The following INVS variants were observed in gnomAD, a reference collection of about 807,000 sequenced individuals.
INVS encodes inversion of embryo turning homolog.
In INVS, 86 loss-of-function variants were observed where a neutral mutation model predicts 108.8. The ratio of observed to expected loss-of-function variants is 0.79; its 90% confidence interval spans 0.66 to 0.95. The LOEUF (loss-of-function observed/expected upper bound fraction) is 0.95. INVS is among the 40% of genes least tolerant of loss of function. INVS has a pLI of 0.00. For synonymous variants in INVS, 455 were observed against 473.5 expected, an observed-to-expected ratio of 0.96 and a Z score of 0.51; for missense variants, 1,169 against 1,297.4, an observed-to-expected ratio of 0.90 and a Z score of 1.52.
At chr9:100,164,577 T>A (rs1387571678) in intron 3 of INVS, among the ~76,000 whole-genome samples, 1 of 152,140 alleles carries the variant, frequency 6.6e-6, no homozygotes, top group East Asian at 1.9e-4. Flanking sequence ...CCTCTTCCCA[T>A]GTTAAAGCAA....
chr9:100,161,403 T>G (rs1043802657), intron 3 of INVS, among the ~76,000 whole-genome samples: 1 of 130,648 alleles, frequency 7.7e-6, no homozygotes, highest in Non-Finnish European at 1.6e-5. Flanking sequence ...CCTCATAAAT[T>G]GAGTGTTGTG....
At chr9:100,249,538 G>A (rs2998172) in intron 8 of INVS, among the ~76,000 whole-genome samples, 152,088 of 152,118 alleles carry the variant, frequency 1, 76,029 homozygotes, top group Middle Eastern at 1. Flanking sequence ...TCTCTTGCCC[G>A]GGCTGGAGTG....
At chr9:100,300,419 A>AT (rs1445895420) in intron 16 of INVS, 149 bp from the exon 17 acceptor site, 1 of 662,634 alleles carries the variant, frequency 1.5e-6, no homozygotes, top group Non-Finnish European at 2.7e-6. Flanking sequence ...TAAAGCTATT[A>AT]TATTAAGTCA....
chr9:100,273,964 A>G (rs915975926), intron 12 of INVS, among the ~76,000 whole-genome samples: 3 of 152,222 alleles, frequency 2.0e-5, no homozygotes, highest in African/African-American at 7.2e-5. Flanking sequence ...CAACTAAAAA[A>G]GCAAAATCCC....
At chr9:100,244,436 G>A (rs1054304743) in intron 7 of INVS, among the ~76,000 whole-genome samples, 11 of 152,096 alleles carry the variant, frequency 7.2e-5, no homozygotes, top group Admixed American at 7.2e-4. Context: ...TAAATGACTT[G>A]CTCATGGTCT....
chr9:100,222,617 C>G (rs1831187010), intron 3 of INVS, among the ~76,000 whole-genome samples: 1 of 152,142 alleles, frequency 6.6e-6, no homozygotes, highest in African/African-American at 2.4e-5. Flanking sequence ...GTCTATAGCT[C>G]AGTAGTTACC....
chr9:100,269,435 T>C (rs779310547), intron 11 of INVS, among the ~76,000 whole-genome samples: 13 of 152,190 alleles, frequency 8.5e-5, no homozygotes, highest in South Asian at 2.1e-4. Flanking sequence ...TTAAAGTTTA[T>C]GTAGATGCCT....
At chr9:100,274,087 G>A (rs1365320224) in intron 12 of INVS, among the ~76,000 whole-genome samples, 1 of 152,044 alleles carries the variant, frequency 6.6e-6, no homozygotes, top group Non-Finnish European at 1.5e-5. Context: ...GCTGGGTGCG[G>A]TGGCTCACAC....
chr9:100,247,080 T>C (rs1832069014), intron 8 of INVS, among the ~76,000 whole-genome samples: 1 of 151,834 alleles, frequency 6.6e-6, no homozygotes, highest in Non-Finnish European at 1.5e-5. Flanking sequence ...CATTTATCTT[T>C]TTGTAAAAAA....
chr9:100,220,255 CT>C (rs1038583803), intron 3 of INVS, among the ~76,000 whole-genome samples: 3 of 152,024 alleles, frequency 2.0e-5, no homozygotes, highest in South Asian at 4.2e-4. Flanking sequence ...GGTCAGAGAA[CT>C]TTTAATTCTC....
At chr9:100,285,541 C>A (rs1310799957) in intron 13 of INVS, among the ~76,000 whole-genome samples, 2 of 152,132 alleles carry the variant, frequency 1.3e-5, no homozygotes, top group Admixed American at 6.5e-5. Flanking sequence ...TAGTTGTACT[C>A]CCAGTTAGGA....
intron 6 of INVS, among the ~76,000 whole-genome samples, chr9:100,241,556 G>T (rs1458699456): frequency 6.6e-6 from 1 of 152,080 alleles, no homozygotes; most frequent in East Asian, 1.9e-4. Flanking sequence ...CATTTTCAGA[G>T]GTATGCTGCT....
chr9:100,266,152 CT>C (rs1457196634), intron 11 of INVS, among the ~76,000 whole-genome samples: 1 of 151,994 alleles, frequency 6.6e-6, no homozygotes, highest in Non-Finnish European at 1.5e-5. Flanking sequence ...TAGGAAGATT[CT>C]TATAATTTGT....
Position 100,273,197 on chromosome 9 carries a change from C to T in INVS, c.1784+121C>T. 3.9e-6 allele frequency: 3 copies of T among 770,286 alleles called. No homozygotes were observed. In the South Asian group the frequency reaches 4.3e-5, roughly 11 times the overall value. The allele number at this position is 770,286 out of a possible 1,614,324, so 47.7% of individuals were successfully genotyped here. ...GATGAGAATCTGAATTACTGTTGGTCCCTGCAACCGGTCATCTTCCCTCTT... is the reference window on the plus strand; with the variant it reads ...GATGAGAATCTGAATTACTGTTGGTTCCTGCAACCGGTCATCTTCCCTCTT... On this transcript the variant is annotated intron_variant, in intron 12 of 16. Coordinates refer to ENST00000262457, the MANE Select transcript of INVS (RefSeq NM_014425.5).
Position 100,234,985 on chromosome 9 carries a change from T to C in INVS, c.616-5075T>C, listed in dbSNP as rs1368661842. Among the ~76,000 whole-genome samples, 4 of 152,186 alleles carry C rather than the reference T, an allele frequency of 2.6e-5. No homozygotes were observed. In the East Asian group the frequency reaches 7.7e-4, roughly 29 times the overall value. ...GGGGTGTTAAAGTATCCCACTATTA[T>C]TGTGTGGGAGTGTAAGTCTCTTTGT... On this transcript the variant is annotated intron_variant, in intron 5 of 16. Coordinates refer to ENST00000262457, the MANE Select transcript of INVS (RefSeq NM_014425.5).
intron 3 of INVS, among the ~76,000 whole-genome samples, chr9:100,190,758 A>G (rs1588076505): frequency 6.6e-6 from 1 of 152,240 alleles, no homozygotes; most frequent in East Asian, 1.9e-4. Context: ...GTTTTCCTTT[A>G]TAGGTTACCT....
chr9:100,252,365 T>A lies in INVS; in HGVS notation c.1161T>A (p.Asp387Glu). Reference protein sequence around the residue: ...LENNAQVDATDVMKHTPLFRA... With the variant: ...LENNAQVDATEVMKHTPLFRA... ...ATAATGCTCAAGTAGATGCTACTGA[T>A]GTTATGAAACATACTCCACTTTTCC... The change falls in exon 9 of 17, where the codon GAT becomes GAA. Residue 387 changes from aspartate to glutamate, a missense_variant. By Grantham distance (45) the Asp-to-Glu change is conservative (BLOSUM62 2). Around this residue, in one of 3 missense-constraint regions of INVS, gnomAD observed 271 missense variants for 363.8 expected, o/e 0.74. Coordinates refer to ENST00000262457, the MANE Select transcript of INVS (RefSeq NM_014425.5). 1 of 1,614,012 alleles carries A rather than the reference T, an allele frequency of 6.2e-7. No homozygotes were observed. The highest frequency in any genetic ancestry group is 2.2e-5 in the East Asian group (1 of 44,876).
chr9:100,238,193 A>G (rs1831752196), intron 5 of INVS, among the ~76,000 whole-genome samples: 1 of 151,814 alleles, frequency 6.6e-6, no homozygotes, highest in African/African-American at 2.4e-5. Context: ...CTCCTTTTTA[A>G]TTGTTAAGAA....
At chr9:100,246,152 C>G (rs1239043937) in intron 7 of INVS, among the ~76,000 whole-genome samples, 1 of 97,830 alleles carries the variant, frequency 1.0e-5, no homozygotes, top group African/African-American at 4.8e-5. Flanking sequence ...GACTCCCTCT[C>G]AAAAAAAAAA....
Sources: allele counts gnomAD v4.1 joint callset (sites outside exome capture counted in the v4.1 genomes callset), GRCh38; gene constraint gnomAD v4.1.1; regional missense constraint gnomAD v4.1.1; transcripts MANE v1.5; gene names NCBI Gene and HGNC (gene_info 2026-07-23, HGNC 2026-07-21).